The following GPRASP3 variants were observed in gnomAD, a reference collection of about 807,000 sequenced individuals.
GPRASP3 encodes G protein-coupled receptor associated sorting protein family member 3.
At chrX:102,724,464 A>G in the GPRASP3 span, among the ~76,000 whole-genome samples, 1 of 111,444 alleles carries the variant, frequency 9.0e-6, no homozygotes, top group African/African-American at 3.3e-5. Flanking sequence ...AAAATTATCT[A>G]TGTATCTATT....
At chrX:102,729,769 C>T in the GPRASP3 span, among the ~76,000 whole-genome samples, 2 of 111,882 alleles carry the variant, frequency 1.8e-5, no homozygotes, top group Admixed American at 1.9e-4. Context: ...ACTCAGGAGG[C>T]TGAGGCAGGA....
the GPRASP3 span, among the ~76,000 whole-genome samples, chrX:102,731,052 AAT>A: frequency 1.8e-5 from 2 of 112,755 alleles, no homozygotes; most frequent in Non-Finnish European, 3.7e-5. Flanking sequence ...GAGCAGAAGA[AAT>A]ATTTCAAATA....
the GPRASP3 span, among the ~76,000 whole-genome samples, chrX:102,731,847 G>A: frequency 2.7e-5 from 3 of 111,645 alleles, no homozygotes; most frequent in Admixed American, 9.5e-5. Context: ...TGTTTAGAAA[G>A]TTGCATGCAT....
chrX:102,743,053 G>T, the GPRASP3 span, among the ~76,000 whole-genome samples: 2 of 111,821 alleles, frequency 1.8e-5, no homozygotes, highest in African/African-American at 6.5e-5. Flanking sequence ...TTGAGTTTCT[G>T]ATTAGCCTCT....
chrX:102,735,699 C>T, the GPRASP3 span, among the ~76,000 whole-genome samples: 1 of 112,353 alleles, frequency 8.9e-6, no homozygotes, highest in Non-Finnish European at 1.9e-5. Context: ...CGAGCCACCG[C>T]GCCCGGCTGA....
At chrX:102,722,898 A>T in the GPRASP3 span, among the ~76,000 whole-genome samples, 1 of 111,610 alleles carries the variant, frequency 9.0e-6, no homozygotes, top group African/African-American at 3.3e-5. Context: ...GTTAGAAGGA[A>T]TATGATCTAG....
At chrX:102,728,826 G>A in the GPRASP3 span, among the ~76,000 whole-genome samples, 6 of 110,548 alleles carry the variant, frequency 5.4e-5, no homozygotes, top group Non-Finnish European at 1.1e-4. Flanking sequence ...GTAAGTCATT[G>A]CTCCTGTACT....
At chrX:102,725,254 C>G in the GPRASP3 span, among the ~76,000 whole-genome samples, 1 of 112,175 alleles carries the variant, frequency 8.9e-6, no homozygotes, top group Non-Finnish European at 1.9e-5. Flanking sequence ...CCCCACTTTG[C>G]CTGCAGTCAA....
the GPRASP3 span, among the ~76,000 whole-genome samples, chrX:102,730,697 G>T: frequency 4.5e-5 from 5 of 111,457 alleles, no homozygotes; most frequent in Non-Finnish European, 7.5e-5. Context: ...AGCAGAAACA[G>T]GAATAGTCAA....
chrX:102,723,491 G>A, the GPRASP3 span, among the ~76,000 whole-genome samples: 1 of 111,682 alleles, frequency 9.0e-6, no homozygotes, highest in Non-Finnish European at 1.9e-5. Flanking sequence ...ACTGGGGCCA[G>A]CATTCAGCTT....
At chrX:102,737,626 A>G in the GPRASP3 span, among the ~76,000 whole-genome samples, 2 of 111,459 alleles carry the variant, frequency 1.8e-5, no homozygotes, top group Non-Finnish European at 3.8e-5. Flanking sequence ...GAGCAGCCCT[A>G]GCGACCCTGC....
the GPRASP3 span, among the ~76,000 whole-genome samples, chrX:102,743,299 G>C: frequency 1.3e-4 from 14 of 110,714 alleles, no homozygotes; most frequent in Admixed American, 1.2e-3. Context: ...AGGATCCTGA[G>C]ATTTATTTTC....
At chrX:102,734,478 A>G in the GPRASP3 span, among the ~76,000 whole-genome samples, 1 of 111,792 alleles carries the variant, frequency 8.9e-6, no homozygotes, top group Non-Finnish European at 1.9e-5. Context: ...TTAGCCAGGC[A>G]TGGTGGCAGA....
At chrX:102,749,065 G>A in the GPRASP3 span, 1 of 1,212,159 alleles carries the variant, frequency 8.2e-7, no homozygotes, top group Admixed American at 2.2e-5. Flanking sequence ...ACAAGCTAAA[G>A]CTGGAGCAGA....
the GPRASP3 span, among the ~76,000 whole-genome samples, chrX:102,727,270 G>A: frequency 8.9e-6 from 1 of 112,396 alleles, no homozygotes; most frequent in African/African-American, 3.2e-5. Context: ...CCGTCCTAAG[G>A]CTGATAGCTT....
the GPRASP3 span, chrX:102,749,928 T>G: frequency 8.3e-7 from 1 of 1,209,982 alleles, no homozygotes; most frequent in South Asian, 1.8e-5. Context: ...AGCCATTTGC[T>G]TGTCCTTGCA....
the GPRASP3 span, among the ~76,000 whole-genome samples, chrX:102,737,928 CT>C: frequency 3.9e-4 from 43 of 110,903 alleles, no homozygotes; most frequent in African/African-American, 1.3e-3. Context: ...CAATTGGTCC[CT>C]TAAGTAATAT....
chrX:102,749,158 G>A, the GPRASP3 span: 1 of 1,212,369 alleles, frequency 8.2e-7, no homozygotes, highest in South Asian at 1.8e-5. Context: ...GACAGATGCA[G>A]TAGCAGAGAT....
chrX:102,724,718 GGTGTGT>G, the GPRASP3 span, among the ~76,000 whole-genome samples: 42 of 98,814 alleles, frequency 4.3e-4, no homozygotes, highest in South Asian at 0.015. Flanking sequence ...CAGGGTGACT[GGTGTGT>G]GTGTGTGTGT....
Sources: allele counts gnomAD v4.1 joint callset (sites outside exome capture counted in the v4.1 genomes callset), GRCh38; gene constraint gnomAD v4.1.1; transcripts MANE v1.5; gene names NCBI Gene and HGNC (gene_info 2026-07-23, HGNC 2026-07-21).